Variants in COL19A1 observed in about 807,000 individuals in gnomAD.
COL19A1 encodes collagen type XIX alpha 1 chain.
A neutral mutation model predicts 190.2 loss-of-function variants in COL19A1; 159 were observed. The observed-to-expected ratio is 0.84, with a 90% CI of 0.73 to 0.95. The LOEUF is 0.95. Ranked by LOEUF, COL19A1 falls within the 40% of genes least tolerant of loss-of-function variation. COL19A1 has a pLI of 0.00. For missense variants in COL19A1, 1,418 were observed against 1,431.9 expected (o/e 0.99, Z 0.16); for synonymous variants, 509 against 458.9 (o/e 1.11, Z -1.39).
chr6:70,153,827 C>T (rs1787249786), intron 31 of COL19A1, among the ~76,000 whole-genome samples: 1 of 151,860 alleles, frequency 6.6e-6, no homozygotes, highest in Non-Finnish European at 1.5e-5. Flanking sequence ...ATTTAACTCC[C>T]CTGCCAACAC....
intron 15 of COL19A1, among the ~76,000 whole-genome samples, chr6:70,092,312 A>C (rs571229820): frequency 6.6e-6 from 1 of 152,260 alleles, no homozygotes; most frequent in Admixed American, 6.5e-5. Flanking sequence ...TCCACTCCAG[A>C]GGGAAACTGG....
At chr6:69,870,060 A>G (rs1353459610) in intron 1 of COL19A1, among the ~76,000 whole-genome samples, 1 of 152,140 alleles carries the variant, frequency 6.6e-6, no homozygotes, top group Admixed American at 6.5e-5. Flanking sequence ...TTTTTACTCT[A>G]TTTCTCCATC....
At chr6:69,951,022 C>T (rs1320716561) in intron 9 of COL19A1, among the ~76,000 whole-genome samples, 3 of 151,764 alleles carry the variant, frequency 2.0e-5, no homozygotes, top group Non-Finnish European at 4.4e-5. Context: ...TATGCTAAAA[C>T]CCATATTCTA....
At chr6:70,182,464 G>A (rs141582326) in intron 44 of COL19A1, among the ~76,000 whole-genome samples, 1 of 152,304 alleles carries the variant, frequency 6.6e-6, no homozygotes, top group East Asian at 1.9e-4. Flanking sequence ...AGACTTAGGA[G>A]AGGCCAAGAT....
At chr6:70,200,042 A>T (rs2150306937) in intron 49 of COL19A1, 2 of 192,968 alleles carry the variant, frequency 1.0e-5, no homozygotes, top group South Asian at 1.7e-4. Context: ...CTTATATATC[A>T]TTATTATCTA....
intron 4 of COL19A1, among the ~76,000 whole-genome samples, chr6:69,902,725 G>A (rs537470435): frequency 2.0e-5 from 3 of 152,136 alleles, no homozygotes; most frequent in Non-Finnish European, 4.4e-5. Context: ...ATGTTCCCTG[G>A]AGGAGGGTCC....
intron 7 of COL19A1, among the ~76,000 whole-genome samples, chr6:69,933,288 CA>C (rs1172036400): frequency 6.6e-6 from 1 of 152,190 alleles, no homozygotes; most frequent in Admixed American, 6.6e-5. Flanking sequence ...CTGTTACTGC[CA>C]AAGTGTACAT....
chr6:70,173,670 T>C (rs1389869452), intron 41 of COL19A1, among the ~76,000 whole-genome samples: 1 of 152,056 alleles, frequency 6.6e-6, no homozygotes, highest in African/African-American at 2.4e-5. Context: ...GGAACAACCG[T>C]GGACTTGAAT....
At chr6:70,137,319 A>C (rs1785931870) in intron 18 of COL19A1, among the ~76,000 whole-genome samples, 1 of 152,170 alleles carries the variant, frequency 6.6e-6, no homozygotes, top group African/African-American at 2.4e-5. Flanking sequence ...GTGCCAGTTA[A>C]ACAGTCTGAT....
chr6:70,092,379 T>C (rs1402734668), intron 15 of COL19A1, among the ~76,000 whole-genome samples: 16 of 152,160 alleles, frequency 1.1e-4, no homozygotes, highest in Admixed American at 1.0e-3. Context: ...CTGTTGCAAA[T>C]AATTGTCCCT....
chr6:69,918,185 A>C (rs1455105887), intron 4 of COL19A1, among the ~76,000 whole-genome samples: 1 of 152,208 alleles, frequency 6.6e-6, no homozygotes, highest in Non-Finnish European at 1.5e-5. Flanking sequence ...GGAACCATGC[A>C]ACACTTTTAG....
rs765080898 is a variant in COL19A1 at position 70,210,373 on chromosome 6, C to A, written c.*3099C>A. Among the ~76,000 whole-genome samples the A allele has an allele frequency of 1.3e-5, 2 of 152,150 alleles. No homozygotes were observed. Among genetic ancestry groups the A allele is most frequent in the Non-Finnish European group, 2.9e-5 (2 of 67,990 alleles). ...TGTTCTTTCCAACTGAAGGCAGTAA[C>A]CATTACTTCTAACCGTAACACAAAC... On this transcript the variant is annotated 3_prime_UTR_variant, in exon 51 of 51. Coordinates refer to ENST00000620364, the MANE Select transcript of COL19A1 (RefSeq NM_001858.6).
intron 1 of COL19A1, among the ~76,000 whole-genome samples, chr6:69,878,716 G>T (rs9454906): frequency 1.3e-5 from 2 of 152,044 alleles, no homozygotes; most frequent in African/African-American, 2.4e-5. Flanking sequence ...ATACCCAAAA[G>T]AATTGAAAGC....
At position 70,204,750 on chromosome 6, in the gene COL19A1, A is replaced by C. The variant is rs552003610; in HGVS notation, c.3224-2151A>C. ...AAAAGTTCATGTATCTTCAGTTATT[A>C]TTCTTCCTCATATTTTTAGCCTGTA... is the stretch of plus-strand genomic sequence containing the variant. On this transcript the variant is annotated intron_variant, in intron 49 of 50. Transcript: ENST00000620364. Among the ~76,000 whole-genome samples the C allele has an allele frequency of 3.3e-5, 5 of 152,306 alleles. No individual in the cohort carries two copies. The East Asian group carries it at 7.7e-4, about 23-fold the overall frequency.
chr6:70,166,206 C>G (rs970623038), intron 37 of COL19A1, among the ~76,000 whole-genome samples: 1 of 152,122 alleles, frequency 6.6e-6, no homozygotes, highest in Admixed American at 6.5e-5. Flanking sequence ...GCGGGTCTCC[C>G]CATCTTGGAT....
chr6:69,950,105 A>AT (rs1257417636), intron 9 of COL19A1, among the ~76,000 whole-genome samples: 2 of 152,042 alleles, frequency 1.3e-5, no homozygotes, highest in East Asian at 3.9e-4. Flanking sequence ...TATAAATCAC[A>AT]TTATTCTAAA....
intron 48 of COL19A1, among the ~76,000 whole-genome samples, chr6:70,195,923 G>A (rs1417755925): frequency 6.6e-6 from 1 of 152,130 alleles, no homozygotes; most frequent in African/African-American, 2.4e-5. Context: ...TGTCTGTTTA[G>A]GCCTTTAGGA....
intron 4 of COL19A1, among the ~76,000 whole-genome samples, chr6:69,905,514 C>T (rs1379011038): frequency 3.3e-5 from 5 of 151,138 alleles, no homozygotes. Flanking sequence ...CTTTGACTCT[C>T]TGTTTCTCTG....
intron 30 of COL19A1, 43 bp from the exon 31 acceptor site, chr6:70,151,354 C>T: frequency 6.4e-7 from 1 of 1,573,630 alleles, no homozygotes; most frequent in Non-Finnish European, 8.7e-7. Flanking sequence ...GTATTGTGTT[C>T]ATATATAAAT....
Sources: allele counts gnomAD v4.1 joint callset (sites outside exome capture counted in the v4.1 genomes callset), GRCh38; gene constraint gnomAD v4.1.1; transcripts MANE v1.5; gene names NCBI Gene and HGNC (gene_info 2026-07-23, HGNC 2026-07-21).